The following SFMBT2 variants were observed in gnomAD, a reference collection of about 807,000 sequenced individuals.
SFMBT2 encodes the protein scm-like with four MBT domains protein 2.
SFMBT2 carries 38 observed loss-of-function variants against 110.1 expected under a neutral mutation model. That is an observed-to-expected ratio of 0.35 (90% CI 0.27 to 0.45). The LOEUF (loss-of-function observed/expected upper bound fraction) is 0.45. Ranked by LOEUF, SFMBT2 falls within the 20% of genes least tolerant of loss-of-function variation. SFMBT2 has a pLI of 1.00. For missense variants in SFMBT2, 1,011 were observed against 1,094.9 expected (o/e 0.92, Z 1.08); for synonymous variants, 425 against 425.4 (o/e 1.00, Z 0.01).
intron 8 of SFMBT2, among the ~76,000 whole-genome samples, chr10:7,245,452 C>A (rs1236550206): frequency 2.0e-5 from 3 of 152,174 alleles, no homozygotes; most frequent in African/African-American, 7.2e-5. Flanking sequence ...TGCATGTTCA[C>A]GTGGGAACAC....
chr10:7,405,467 C>A (rs575980949), intron 1 of SFMBT2, among the ~76,000 whole-genome samples: 9 of 152,282 alleles, frequency 5.9e-5, no homozygotes, highest in African/African-American at 1.9e-4. Flanking sequence ...AAAACACGAC[C>A]CCATGTGGAG....
At chr10:7,280,765 T>C (rs1022549757) in intron 6 of SFMBT2, among the ~76,000 whole-genome samples, 3 of 152,304 alleles carry the variant, frequency 2.0e-5, no homozygotes, top group East Asian at 3.9e-4. Flanking sequence ...AGCACCAGAA[T>C]GCTATTTCCT....
rs1837603535 is a variant in SFMBT2 at position 7,163,398 on chromosome 10, G to C, written c.*372C>G. On this transcript the variant is annotated 3_prime_UTR_variant, in exon 21 of 21. Transcript: ENST00000397167. The surrounding 1 kb of genome is among the most constrained non-coding windows in gnomAD (Gnocchi z 4.8). ...CAGGAAACACTACAGCATGGCGTGA[G>C]GTTTCTTCCTTGGCGACATTCTTTG... 5.1e-6 allele frequency: 1 copy of C among 195,022 alleles called. No individual in the cohort carries two copies. Among genetic ancestry groups the C allele is most frequent in the Non-Finnish European group, 1.0e-5 (1 of 95,472 alleles). 12.1% of individuals were successfully genotyped at this position (195,022 alleles called of 1,614,324 possible).
rs1837837773 is a variant in SFMBT2 at position 7,170,382 on chromosome 10, C to G, written c.2544+546G>C. The stretch of plus-strand genomic sequence containing the variant: ...ACAAAAAACCGTGAGACAGCAGCAT[C>G]TCTTCTGCAGCTGAACATCACAGGG... On this transcript the variant is annotated intron_variant, in intron 20 of 20. Transcript: ENST00000397167. This position sits in a 1 kb window ranked among gnomAD's most constrained non-coding sequence, Gnocchi z 4.6. Among the ~76,000 whole-genome samples the G allele has an allele frequency of 6.6e-6, 1 of 152,194 alleles. No homozygotes were observed. The highest frequency in any genetic ancestry group is 2.4e-5 in the African/African-American group (1 of 41,460).
intron 4 of SFMBT2, among the ~76,000 whole-genome samples, chr10:7,289,262 G>A (rs1436047304): frequency 6.6e-6 from 1 of 152,166 alleles, no homozygotes; most frequent in African/African-American, 2.4e-5. Flanking sequence ...AGCGATAAAT[G>A]GTCCTGTGCC....
intron 4 of SFMBT2, chr10:7,295,413 T>C (rs1007959724): frequency 2.0e-5 from 3 of 152,202 alleles, no homozygotes; most frequent in Admixed American, 1.3e-4. Context: ...CAACAACTTG[T>C]AGGCCACAGA....
chr10:7,197,225 C>T (rs1360939589), intron 15 of SFMBT2, among the ~76,000 whole-genome samples: 1 of 152,136 alleles, frequency 6.6e-6, no homozygotes, highest in Non-Finnish European at 1.5e-5. Context: ...AACCTCAACT[C>T]CAGTCCTAGG....
chr10:7,225,426 C>T (rs1839872018), intron 10 of SFMBT2, among the ~76,000 whole-genome samples: 1 of 152,168 alleles, frequency 6.6e-6, no homozygotes, highest in African/African-American at 2.4e-5. Flanking sequence ...ATACGCATTC[C>T]GTTAAAGAGC....
At chr10:7,378,547 T>G in intron 2 of SFMBT2, among the ~76,000 whole-genome samples, 5 of 113,102 alleles carry the variant, frequency 4.4e-5, no homozygotes, top group Non-Finnish European at 3.6e-5. Flanking sequence ...TGGGGGGGTG[T>G]ATGTATAGAT....
chr10:7,348,305 A>G, intron 4 of SFMBT2: 2 of 1,532,084 alleles, frequency 1.3e-6, no homozygotes, highest in African/African-American at 1.4e-5. Flanking sequence ...TATGTTGAAC[A>G]GAAGCTGATG....
chr10:7,306,464 G>A (rs1588434490), intron 4 of SFMBT2, among the ~76,000 whole-genome samples: 1 of 152,310 alleles, frequency 6.6e-6, no homozygotes, highest in South Asian at 2.1e-4. Context: ...TGCCACAACA[G>A]TGAACTGAGT....
intron 15 of SFMBT2, among the ~76,000 whole-genome samples, chr10:7,192,947 G>A (rs1033445603): frequency 4.0e-5 from 6 of 151,776 alleles, no homozygotes; most frequent in Non-Finnish European, 8.8e-5. Context: ...CTCAGCAAAC[G>A]GGGTGGAGAG....
At position 7,301,246 on chromosome 10, in the gene SFMBT2, G is replaced by A. The variant is rs374516612; in HGVS notation, c.437-15292C>T. Among the ~76,000 whole-genome samples, 12 of 152,286 alleles carry A rather than the reference G, an allele frequency of 7.9e-5. No homozygotes were observed. The highest frequency in any genetic ancestry group is 3.4e-3 in the Middle Eastern group (1 of 294). On this transcript the variant is annotated intron_variant, in intron 4 of 20. Transcript: ENST00000397167. This position sits in a 1 kb window ranked among gnomAD's most constrained non-coding sequence, Gnocchi z 4.2. Reference sequence around the variant, plus strand: ...AAATCAGCATGAGGCAGTTATTAGCGTCTTTATGTCATGTGCAAATCAGCG... The same window carrying A: ...AAATCAGCATGAGGCAGTTATTAGCATCTTTATGTCATGTGCAAATCAGCG...
At chr10:7,298,685 G>A (rs1011750774) in intron 4 of SFMBT2, among the ~76,000 whole-genome samples, 2 of 152,100 alleles carry the variant, frequency 1.3e-5, no homozygotes, top group Non-Finnish European at 2.9e-5. Flanking sequence ...ATGTGTATAC[G>A]TGTACTTGCA....
Position 7,228,386 on chromosome 10 carries a change from A to C in SFMBT2, c.1121-449T>G, listed in dbSNP as rs201344979. 4.4e-3 allele frequency: 3,661 copies of C among 832,614 alleles called. 77 individuals are homozygous for C. The East Asian group carries it at 0.064, about 15-fold the overall frequency. The allele number at this position is 832,614 out of a possible 1,614,324, so 51.6% of individuals were successfully genotyped here. A position where few individuals can be genotyped will look rare whatever the true frequency, so the allele number is the denominator to read the frequency against. Reference sequence around the variant, plus strand: ...TGGGAAATAAAAAATTAAAAAAAAAAAAAACAAAACAGTACCAGGGACGAC... The same window carrying C: ...TGGGAAATAAAAAATTAAAAAAAAACAAAACAAAACAGTACCAGGGACGAC... On this transcript the variant is annotated intron_variant, in intron 9 of 20. Coordinates refer to ENST00000397167, the MANE Select transcript of SFMBT2 (RefSeq NM_001387889.1).
intron 4 of SFMBT2, among the ~76,000 whole-genome samples, chr10:7,346,786 A>T (rs1378217603): frequency 6.8e-6 from 1 of 147,574 alleles, no homozygotes; most frequent in African/African-American, 2.6e-5. Flanking sequence ...CCTGGCCAAC[A>T]TGGTGAAACC....
Position 7,163,954 on chromosome 10 carries a change from T to C in SFMBT2, c.2545-44A>G. 1 of 1,580,806 alleles carries C rather than the reference T, an allele frequency of 6.3e-7. No homozygotes were observed. The highest frequency in any genetic ancestry group is 1.1e-5 in the South Asian group (1 of 87,150). On this transcript the variant is annotated intron_variant, in intron 20 of 20. Coordinates refer to ENST00000397167, the MANE Select transcript of SFMBT2 (RefSeq NM_001387889.1). The surrounding 1 kb of genome is among the most constrained non-coding windows in gnomAD (Gnocchi z 4.8). ...AGGTTAGAGAAGGGGCAGTGTGCAC[T>C]GGGGTACACAGATGCGTCACAGCAG...
chr10:7,339,802 G>A (rs1843832191), intron 4 of SFMBT2, among the ~76,000 whole-genome samples: 1 of 152,176 alleles, frequency 6.6e-6, no homozygotes, highest in Non-Finnish European at 1.5e-5. Context: ...ACTGTCAGAG[G>A]GAAGAAATAA....
intron 3 of SFMBT2, among the ~76,000 whole-genome samples, chr10:7,368,697 A>G (rs1844981994): frequency 6.6e-6 from 1 of 152,252 alleles, no homozygotes; most frequent in Non-Finnish European, 1.5e-5. Context: ...CTCAGTACAG[A>G]AAGGAAGGAA....
Sources: allele counts gnomAD v4.1 joint callset (sites outside exome capture counted in the v4.1 genomes callset), GRCh38; gene constraint gnomAD v4.1.1; non-coding constraint Gnocchi (gnomAD v3.1); transcripts MANE v1.5; gene names NCBI Gene and HGNC (gene_info 2026-07-23, HGNC 2026-07-21).